SRD5A2: variants seen among roughly 807,000 people sequenced by gnomAD.
SRD5A2 encodes 3-oxo-5-alpha-steroid 4-dehydrogenase 2.
In SRD5A2, 30 loss-of-function variants were observed where a neutral mutation model predicts 27.4. That is an observed-to-expected ratio of 1.10 (90% CI 0.82 to 1.49). The LOEUF (loss-of-function observed/expected upper bound fraction) is 1.49, where lower values mean the gene tolerates loss of function less well. Ranked by LOEUF, SRD5A2 falls within the 40% of genes most tolerant of loss-of-function variation. SRD5A2 has a pLI of 0.00. For missense variants in SRD5A2, 348 were observed against 323.4 expected (o/e 1.08, Z -0.58); for synonymous variants, 141 against 133.6 (o/e 1.06, Z -0.38).
rs28382998 is a variant in SRD5A2 at position 31,579,528 on chromosome 2, T to A, written c.281+1092A>T. Among the ~76,000 whole-genome samples, 1,356 of 152,336 alleles carry A rather than the reference T, an allele frequency of 8.9e-3. 22 individuals carry two copies. The highest frequency in any genetic ancestry group is 0.029 in the African/African-American group (1,209 of 41,580). The stretch of plus-strand genomic sequence containing the variant: ...TTCTTGCATAGAATATCTGCCTACT[T>A]AAAACGGCTAAAAGGTCTTAAACCT... On this transcript the variant is annotated intron_variant, in intron 1 of 4. Transcript: ENST00000622030.
At chr2:31,552,501 G>A (rs537850344) in intron 1 of SRD5A2, among the ~76,000 whole-genome samples, 40 of 152,202 alleles carry the variant, frequency 2.6e-4, no homozygotes, top group Non-Finnish European at 4.1e-4. Flanking sequence ...TGGAAAGGGC[G>A]TAAACAGATT....
Position 31,533,738 on chromosome 2 carries a change from C to G in SRD5A2, c.310G>C (p.Gly104Arg), listed in dbSNP as rs1443380453. 1 of 1,603,140 alleles carries G rather than the reference C, an allele frequency of 6.2e-7. No individual in the cohort carries two copies. The highest frequency in any genetic ancestry group is 2.2e-5 in the East Asian group (1 of 44,514). Residue 104 changes from glycine to arginine, a missense_variant, in exon 2 of 5, where the codon GGG becomes CGG. Physicochemically the swap from Gly to Arg is moderately radical, Grantham distance 125. Coordinates refer to ENST00000622030, the MANE Select transcript of SRD5A2 (RefSeq NM_000348.4). ...ATGAGTATAGCTGGATAAGGCCTCC[C>G]TCGATTGAGCAGTGAGTACACAAAT... ...RTFVYSLLNR[G>R]RPYPAILILR...
intron 1 of SRD5A2, 55 bp downstream of exon 1, chr2:31,580,565 A>C: frequency 1.7e-5 from 24 of 1,435,982 alleles, no homozygotes; most frequent in Non-Finnish European, 2.2e-5. Context: ...GCGCTCCTGG[A>C]CGCCGGGAGC....
chr2:31,625,322 C>A, the SRD5A2 span, among the ~76,000 whole-genome samples: 1 of 152,210 alleles, frequency 6.6e-6, no homozygotes, highest in African/African-American at 2.4e-5. Context: ...CCTGTCCACT[C>A]TGATGGTAGT....
intron 2 of SRD5A2, among the ~76,000 whole-genome samples, chr2:31,532,325 G>A (rs574023537): frequency 2.6e-5 from 4 of 151,722 alleles, no homozygotes; most frequent in East Asian, 1.9e-4. Context: ...GTTTGGAGGC[G>A]TGGCCACTAA....
At chr2:31,582,990 C>T (rs1667106825), upstream of SRD5A2, among the ~76,000 whole-genome samples, 1 of 152,170 alleles carries the variant, frequency 6.6e-6, no homozygotes, top group Admixed American at 6.5e-5. Context: ...CGACTCTGCC[C>T]ACTTTTTGTC....
At chr2:31,615,746 G>T in the SRD5A2 span, among the ~76,000 whole-genome samples, 1 of 152,156 alleles carries the variant, frequency 6.6e-6, no homozygotes. Flanking sequence ...AAGACAATGG[G>T]GAAAATGTCT....
chr2:31,624,799 A>G, the SRD5A2 span, among the ~76,000 whole-genome samples: 2 of 152,166 alleles, frequency 1.3e-5, no homozygotes, highest in African/African-American at 4.8e-5. Context: ...GCTATTGTGA[A>G]TAGTGCCACA....
At chr2:31,621,937 C>G in the SRD5A2 span, among the ~76,000 whole-genome samples, 3 of 143,196 alleles carry the variant, frequency 2.1e-5, no homozygotes, top group Non-Finnish European at 4.6e-5. Flanking sequence ...GCCACTCTAC[C>G]CTGACAGGTT....
At chr2:31,574,333 GCTT>G (rs1666912325) in intron 1 of SRD5A2, among the ~76,000 whole-genome samples, 1 of 152,166 alleles carries the variant, frequency 6.6e-6, no homozygotes, top group African/African-American at 2.4e-5. Context: ...AGGAGACCAG[GCTT>G]CAAGCTCCAC....
the SRD5A2 span, among the ~76,000 whole-genome samples, chr2:31,586,937 G>T: frequency 1.3e-5 from 2 of 152,288 alleles, no homozygotes; most frequent in Non-Finnish European, 2.9e-5. Context: ...TTCAGACAGA[G>T]AATTCAAAAT....
chr2:31,581,458 C>T (rs1274238263), upstream of SRD5A2, among the ~76,000 whole-genome samples: 2 of 152,174 alleles, frequency 1.3e-5, no homozygotes, highest in African/African-American at 4.8e-5. Context: ...GAGCGTCTGC[C>T]AGCCCTTCTG....
the SRD5A2 span, among the ~76,000 whole-genome samples, chr2:31,653,492 T>C: frequency 1.3e-5 from 2 of 152,152 alleles, no homozygotes; most frequent in Non-Finnish European, 2.9e-5. Flanking sequence ...TTACATAAGA[T>C]TGTTTCTTAT....
chr2:31,560,863 A>G (rs1371503511), intron 1 of SRD5A2, among the ~76,000 whole-genome samples: 1 of 152,138 alleles, frequency 6.6e-6, no homozygotes, highest in Non-Finnish European at 1.5e-5. Context: ...CAAGCAAAAT[A>G]AACTGGATAC....
the SRD5A2 span, among the ~76,000 whole-genome samples, chr2:31,633,431 TC>T: frequency 0.017 from 2,536 of 152,256 alleles, 72 homozygotes; most frequent in African/African-American, 0.057. Flanking sequence ...AAGAAATAAT[TC>T]CCTGCACTGC....
At chr2:31,531,339 G>A (rs776594352) in intron 3 of SRD5A2, 32 bp downstream of exon 3, 6 of 1,469,444 alleles carry the variant, frequency 4.1e-6, no homozygotes, top group African/African-American at 1.4e-5. Flanking sequence ...CTCCAGGGAA[G>A]AGTGAGAGTC....
the SRD5A2 span, among the ~76,000 whole-genome samples, chr2:31,630,833 T>A: frequency 2.6e-5 from 4 of 152,194 alleles, no homozygotes; most frequent in Non-Finnish European, 4.4e-5. Flanking sequence ...GATTTAAATC[T>A]TAATTACCAT....
At chr2:31,593,428 GA>G in the SRD5A2 span, among the ~76,000 whole-genome samples, 1 of 151,922 alleles carries the variant, frequency 6.6e-6, no homozygotes, top group East Asian at 1.9e-4. Context: ...CAAACAAGTG[GA>G]AAAAAGAACT....
At chr2:31,582,582 C>G (rs771347097), upstream of SRD5A2, among the ~76,000 whole-genome samples, 1 of 152,204 alleles carries the variant, frequency 6.6e-6, no homozygotes, top group Non-Finnish European at 1.5e-5. Flanking sequence ...AGTCCAGTCC[C>G]AGCTTCCTCA....
Sources: gnomAD v4.1 joint callset for allele counts (sites outside exome capture counted in the v4.1 genomes callset) on GRCh38, gnomAD v4.1.1 for gene constraint, MANE v1.5 for transcripts, NCBI Gene and HGNC (gene_info 2026-07-23, HGNC 2026-07-21) for gene names.